Variants in ZNF554 observed in about 807,000 individuals in gnomAD.
ZNF554 encodes zinc finger protein 554.
A neutral mutation model predicts 21.2 loss-of-function variants in ZNF554; 15 were observed. That is an observed-to-expected ratio of 0.71 (90% CI 0.47 to 1.09). The LOEUF is 1.09. Among genes scored for constraint, ZNF554 ranks in the 50% least tolerant of loss-of-function variants. The probability of loss-of-function intolerance (pLI) is 0.00; values close to 1 mark genes in which losing one functional copy is unlikely to be tolerated. For synonymous variants in ZNF554, 258 were observed against 251.4 expected (o/e 1.03, Z -0.25); for missense variants, 691 against 662.7 (o/e 1.04, Z -0.47).
chr19:2,832,340 A>T lies in ZNF554; in HGVS notation c.291A>T (p.Lys97Asn), dbSNP rs181541721. 157 of 1,612,238 alleles carry T rather than the reference A, an allele frequency of 9.7e-5. No individual in the cohort carries two copies. The highest frequency in any genetic ancestry group is 1.7e-4 in the Middle Eastern group (1 of 6,048). Reference sequence around the variant, plus strand: ...ACCAATGTACTGATGTGGGGATTAAAGAGGGTCCACTTTCCCCAGCACAAA... The same window carrying T: ...ACCAATGTACTGATGTGGGGATTAATGAGGGTCCACTTTCCCCAGCACAAA... ...LKNQCTDVGIKEGPLSPAQTS... is the reference protein window; with the variant it reads ...LKNQCTDVGINEGPLSPAQTS... Residue 97 changes from lysine (K) to asparagine (N), a missense_variant, in exon 4 of 5, where the codon AAA becomes AAT. By Grantham distance (94) the Lys-to-Asn change is moderately conservative. Transcript: ENST00000317243.
chr19:2,821,475 C>T lies in ZNF554; in HGVS notation c.53+1351C>T, dbSNP rs767257374. 1.3e-5 allele frequency among the ~76,000 whole-genome samples: 2 copies of T among 151,842 alleles called. No homozygotes were observed. The highest frequency in any genetic ancestry group is 2.9e-5 in the Non-Finnish European group (2 of 68,014). On this transcript the variant is annotated intron_variant, in intron 1 of 4. Transcript: ENST00000317243. This position sits in a 1 kb window ranked among gnomAD's most constrained non-coding sequence, Gnocchi z 8.2. ...TTTATTCTCTCACAAGTCTGGAGGC[C>T]AGAAGCCCAACATGAAGATGTGGTG...
intron 2 of ZNF554, among the ~76,000 whole-genome samples, chr19:2,827,108 T>A (rs2087345706): frequency 1.3e-5 from 2 of 152,234 alleles, no homozygotes; most frequent in African/African-American, 4.8e-5. Flanking sequence ...CTCAGTCTTC[T>A]GACTATGGCA....
chr19:2,827,634 G>C lies in ZNF554; in HGVS notation c.144G>C (p.Glu48Asp). The C allele has an allele frequency of 6.2e-7, 1 of 1,613,776 alleles. No individual in the cohort carries two copies. The highest frequency in any genetic ancestry group is 8.5e-7 in the Non-Finnish European group (1 of 1,179,876). Reference sequence around the variant, plus strand: ...TATTCTAGGAATTAGTAACCTTTGAGGACGTGTCCATGGACTTCTCCCAGG... The same window carrying C: ...TATTCTAGGAATTAGTAACCTTTGACGACGTGTCCATGGACTTCTCCCAGG... ...PRWSQELVTF[E>D]DVSMDFSQEE... is the part of the protein sequence containing the mutation. The change falls in exon 3 of 5, where the codon GAG becomes GAC. Residue 48 changes from glutamate to aspartate, a missense_variant. Physicochemically the swap from Glu to Asp is conservative, Grantham distance 45. Transcript: ENST00000317243.
Position 2,832,337 on chromosome 19 carries a change from TAA to T in ZNF554, c.290_291del (p.Lys97ArgfsTer14). 1 of 1,612,100 alleles carries T rather than the reference TAA, an allele frequency of 6.2e-7. No homozygotes were observed. The highest frequency in any genetic ancestry group is 8.5e-7 in the Non-Finnish European group (1 of 1,179,202). On this transcript the variant is annotated frameshift_variant, in exon 4 of 5. Coordinates refer to ENST00000317243, the MANE Select transcript of ZNF554 (RefSeq NM_001102651.2). LOFTEE classifies it high-confidence loss of function. Reference sequence around the variant, plus strand: ...AGAACCAATGTACTGATGTGGGGATTAAAGAGGGTCCACTTTCCCCAGCACAA... The same window carrying T: ...AGAACCAATGTACTGATGTGGGGATTAGAGGGTCCACTTTCCCCAGCACAA... Reference protein sequence around the residue: ...LKNQCTDVGIKEGPLSPAQTS... With the variant: ...LKNQCTDVGIXEGPLSPAQTS...
At chr19:2,828,313 A>G (rs930537937) in intron 3 of ZNF554, among the ~76,000 whole-genome samples, 1 of 152,194 alleles carries the variant, frequency 6.6e-6, no homozygotes. Flanking sequence ...GTGCAATTGC[A>G]TGTCTCAGCT....
intron 3 of ZNF554, chr19:2,831,354 C>T (rs2087414930): frequency 6.7e-6 from 1 of 149,782 alleles, no homozygotes; most frequent in African/African-American, 2.5e-5. Context: ...GAATGCAGTG[C>T]TGCAATCTCG....
At chr19:2,832,176 T>G in intron 3 of ZNF554, 127 bp from the exon 4 acceptor site, 2 of 870,034 alleles carry the variant, frequency 2.3e-6, no homozygotes, top group Non-Finnish European at 3.4e-6. Flanking sequence ...TCCGCCTGCC[T>G]CGGCCTCCCA....
At chr19:2,832,966 A>G (rs886680479) in intron 4 of ZNF554, among the ~76,000 whole-genome samples, 1 of 152,036 alleles carries the variant, frequency 6.6e-6, no homozygotes, top group African/African-American at 2.4e-5. Flanking sequence ...AGCCTCCCAA[A>G]GTGTTGGGAG....
intron 2 of ZNF554, among the ~76,000 whole-genome samples, chr19:2,823,868 G>A (rs1027655869): frequency 3.3e-5 from 5 of 152,110 alleles, no homozygotes; most frequent in African/African-American, 1.2e-4. Context: ...GGCCATGGGA[G>A]GGTCGAAAGA....
rs1341601496 is a variant in ZNF554, at chr19:2,820,100, G to A, written c.29G>A (p.Arg10His). Reference protein sequence around the residue: MVTCAHLGRRARLPAAQPSA... With the variant: MVTCAHLGRHARLPAAQPSA... Reference sequence around the variant, plus strand: ...GTCACCTGCGCCCACCTGGGCCGGCGCGCGCGGCTCCCGGCAGCTCAGCCG... The same window carrying A: ...GTCACCTGCGCCCACCTGGGCCGGCACGCGCGGCTCCCGGCAGCTCAGCCG... Residue 10 changes from arginine (R) to histidine (H), a missense_variant, in exon 1 of 5, where the codon CGC (arginine) becomes CAC (histidine). Physicochemically the swap from Arg to His is conservative, Grantham distance 29. Transcript: ENST00000317243. The A allele has an allele frequency of 8.2e-7, 1 of 1,217,728 alleles. No homozygotes were observed. The highest frequency in any genetic ancestry group is 4.3e-5 in the Admixed American group (1 of 23,062). The allele number at this position is 1,217,728 out of a possible 1,614,324, so 75.4% of individuals were successfully genotyped here.
chr19:2,831,892 T>G, intron 3 of ZNF554: 1 of 157,474 alleles, frequency 6.4e-6, no homozygotes, highest in East Asian at 1.9e-4. Flanking sequence ...AGTGTTGGGA[T>G]TACAGGTGTG....
intron 4 of ZNF554, among the ~76,000 whole-genome samples, chr19:2,833,451 A>G (rs2087447138): frequency 6.6e-6 from 1 of 152,016 alleles, no homozygotes; most frequent in African/African-American, 2.4e-5. Context: ...CTGCATTGAT[A>G]TTTCCCTGCC....
Position 2,832,441 on chromosome 19 carries a change from A to G in ZNF554, c.392A>G (p.Gln131Arg). Residue 131 changes from glutamine to arginine, a missense_variant, in exon 4 of 5, where the codon CAA becomes CGA. Transcript: ENST00000317243. ...FQPVASSHLEQREALWIEEKG... is the reference protein window; with the variant it reads ...FQPVASSHLERREALWIEEKG... ...CCAGTGGCTTCTTCCCACTTGGAGC[A>G]AAGAGAAGCCCTGTGGATAGAGGAA... The G allele has an allele frequency of 6.2e-7, 1 of 1,614,076 alleles. No individual in the cohort carries two copies.
rs75377257 is a variant in ZNF554, at chr19:2,835,328, C to T, written c.*476C>T. 0.052 allele frequency: 8,099 copies of T among 155,868 alleles called. 346 individuals carry two copies. The highest frequency in any genetic ancestry group is 0.2 in the East Asian group (1,028 of 5,212). The allele number at this position is 155,868 out of a possible 1,614,324, so 9.7% of individuals were successfully genotyped here. ...TCTACTAAAAATACAAAAAAGTAGC[C>T]GGGCGTGGTGGTGGGCGCCTGTAGT... On this transcript the variant is annotated 3_prime_UTR_variant, in exon 5 of 5. Transcript: ENST00000317243.
At position 2,836,253 on chromosome 19, in the gene ZNF554, G is replaced by A. The variant is rs114347844; in HGVS notation, c.*1401G>A. Among the ~76,000 whole-genome samples the A allele has an allele frequency of 8.4e-3, 1,279 of 151,636 alleles. 20 individuals are homozygous for A. Among genetic ancestry groups the A allele is most frequent in the African/African-American group, 0.03 (1,221 of 41,380 alleles). On this transcript the variant is annotated 3_prime_UTR_variant, in exon 5 of 5. Coordinates refer to ENST00000317243, the MANE Select transcript of ZNF554 (RefSeq NM_001102651.2). ...GAGCCACCGTGCTGGGATTACGGGC[G>A]TGAGCCACTGTGCTGGGATTACGGG...
chr19:2,825,845 G>T (rs541525175), intron 2 of ZNF554, among the ~76,000 whole-genome samples: 2 of 152,140 alleles, frequency 1.3e-5, no homozygotes, highest in East Asian at 3.8e-4. Context: ...GAAAGCTCAG[G>T]GTGCCTCCTG....
chr19:2,833,782 G>T lies in ZNF554; in HGVS notation c.547G>T (p.Asp183Tyr). Residue 183 changes from aspartate to tyrosine, a missense_variant, in exon 5 of 5, where the codon GAT (aspartate) becomes TAT (tyrosine). By Grantham distance (160) the Asp-to-Tyr change is radical (BLOSUM62 -3). Transcript: ENST00000317243. Reference protein sequence around the residue: ...GINMIKLIREDGGWKQLEDSH... With the variant: ...GINMIKLIREYGGWKQLEDSH... ...AAATATGATAAAGCTTATCAGAGAA[G>T]ATGGGGGATGGAAGCAGTTAGAGGA... The T allele has an allele frequency of 1.2e-6, 2 of 1,608,986 alleles. No homozygotes were observed. Among genetic ancestry groups the T allele is most frequent in the Non-Finnish European group, 1.7e-6 (2 of 1,178,136 alleles).
At position 2,836,249 on chromosome 19, in the gene ZNF554, G is replaced by A. The variant is rs977380484; in HGVS notation, c.*1397G>A. Among the ~76,000 whole-genome samples the A allele has an allele frequency of 1.3e-5, 2 of 150,770 alleles. No homozygotes were observed. Among genetic ancestry groups the A allele is most frequent in the Admixed American group, 6.7e-5 (1 of 14,984 alleles). ...GTGTGAGCCACCGTGCTGGGATTAC[G>A]GGCGTGAGCCACTGTGCTGGGATTA... On this transcript the variant is annotated 3_prime_UTR_variant, in exon 5 of 5. Coordinates refer to ENST00000317243, the MANE Select transcript of ZNF554 (RefSeq NM_001102651.2).
chr19:2,835,041 C>A lies in ZNF554; in HGVS notation c.*189C>A. ...TGTTGTTGAGATGGAGTCTGCCACC[C>A]AGGCTGGAGTCCAGTGGCGTGATCA... On this transcript the variant is annotated 3_prime_UTR_variant, in exon 5 of 5. Coordinates refer to ENST00000317243, the MANE Select transcript of ZNF554 (RefSeq NM_001102651.2). 3 of 586,762 alleles carry A rather than the reference C, an allele frequency of 5.1e-6. No individual in the cohort carries two copies. The highest frequency in any genetic ancestry group is 2.9e-6 in the Non-Finnish European group (1 of 339,062). The allele number at this position is 586,762 out of a possible 1,614,324, so 36.3% of individuals were successfully genotyped here. A position where few individuals can be genotyped will look rare whatever the true frequency, so the allele number is the denominator to read the frequency against.
Sources: gnomAD v4.1 joint callset for allele counts (sites outside exome capture counted in the v4.1 genomes callset) on GRCh38, gnomAD v4.1.1 for gene constraint, Gnocchi (gnomAD v3.1) non-coding constraint, MANE v1.5 for transcripts, NCBI Gene and HGNC (gene_info 2026-07-23, HGNC 2026-07-21) for gene names.